The following RHPN1 variants were observed in gnomAD, a reference collection of about 807,000 sequenced individuals.
RHPN1 encodes the protein rhophilin-1.
A neutral mutation model predicts 74.7 loss-of-function variants in RHPN1; 77 were observed. The observed-to-expected ratio is 1.03, with a 90% CI of 0.86 to 1.25. RHPN1 has a LOEUF of 1.25. RHPN1 is among the 50% of genes most tolerant of loss of function. The probability of loss-of-function intolerance (pLI) is 0.00; values close to 1 mark genes in which losing one functional copy is unlikely to be tolerated. For synonymous variants in RHPN1, 444 were observed against 414.5 expected, an observed-to-expected ratio of 1.07 and a Z score of -0.87; for missense variants, 987 against 932.2, an observed-to-expected ratio of 1.06 and a Z score of -0.77.
intron 1 of RHPN1, among the ~76,000 whole-genome samples, chr8:143,371,900 A>G (rs958260355): frequency 6.6e-6 from 1 of 152,136 alleles, no homozygotes; most frequent in Non-Finnish European, 1.5e-5. Context: ...ACTGGGCTCA[A>G]CCTTCAACCC....
Position 143,383,118 on chromosome 8 carries a change from A to C in RHPN1, c.*467A>C. ...CCAGACACACCCACAGCACCCGCAG[A>C]CCTCTAGGCCGGGTCCCAGACATGG... On this transcript the variant is annotated 3_prime_UTR_variant, in exon 15 of 15. Coordinates refer to ENST00000289013, the MANE Select transcript of RHPN1 (RefSeq NM_052924.3). 1 of 195,750 alleles carries C rather than the reference A, an allele frequency of 5.1e-6. No individual in the cohort carries two copies. Among genetic ancestry groups the C allele is most frequent in the South Asian group, 9.2e-5 (1 of 10,852 alleles). The allele number at this position is 195,750 out of a possible 1,614,324, so 12.1% of individuals were successfully genotyped here. A position where few individuals can be genotyped will look rare whatever the true frequency, so the allele number is the denominator to read the frequency against.
At chr8:143,382,133 T>C (rs1818783745) in intron 14 of RHPN1, among the ~76,000 whole-genome samples, 165 bp downstream of exon 14, 1 of 152,190 alleles carries the variant, frequency 6.6e-6, no homozygotes, top group African/African-American at 2.4e-5. Flanking sequence ...GTGGCCTCCA[T>C]CTGGCAGCTC....
chr8:143,378,104 C>T (rs1818407334), intron 4 of RHPN1, among the ~76,000 whole-genome samples, 165 bp from the exon 5 acceptor site: 2 of 152,240 alleles, frequency 1.3e-5, no homozygotes, highest in East Asian at 3.8e-4. Flanking sequence ...TTCTCTGGGG[C>T]TTCCACTGAG....
Position 143,378,356 on chromosome 8 carries a change from T to TCCGC in RHPN1, c.459+12_459+13insGCCC. 6 of 1,525,436 alleles carry TCCGC rather than the reference T, an allele frequency of 3.9e-6. No individual in the cohort carries two copies. Among genetic ancestry groups the TCCGC allele is most frequent in the South Asian group, 3.6e-5 (3 of 83,564 alleles). The allele number at this position is 1,525,436 out of a possible 1,614,324, so 94.5% of individuals were successfully genotyped here. A position where few individuals can be genotyped will look rare whatever the true frequency, so the allele number is the denominator to read the frequency against. On this transcript the variant is annotated intron_variant, in intron 5 of 14. Transcript: ENST00000289013. ...GGAGGCCCTGCGGCAGGTGTGTGGT[T>TCCGC]CCCCCGCCCACCCACCCTCCTGCAG...
intron 3 of RHPN1, 111 bp downstream of exon 3, chr8:143,376,764 CTGTGTGTG>C: frequency 8.0e-7 from 1 of 1,256,858 alleles, no homozygotes; most frequent in Non-Finnish European, 1.1e-6. Context: ...TGTGCATTGT[CTGTGTGTG>C]TGCGTGTGTG....
At chr8:143,369,195 C>G (rs374873371) in intron 1 of RHPN1, 148 bp downstream of exon 1, 2 of 573,304 alleles carry the variant, frequency 3.5e-6, no homozygotes, top group African/African-American at 4.0e-5. Context: ...GCCTGCGTCC[C>G]TCCTCCTCTG....
At position 143,368,937 on chromosome 8, in the gene RHPN1, GAGCGGCGGGC is replaced by G. The variant is rs1817648521; in HGVS notation, c.-50_-41del. The G allele has an allele frequency of 5.0e-6, 7 of 1,392,698 alleles. No individual in the cohort carries two copies. Among genetic ancestry groups the G allele is most frequent in the African/African-American group, 1.5e-5 (1 of 65,518 alleles). The allele number at this position is 1,392,698 out of a possible 1,614,324, so 86.3% of individuals were successfully genotyped here. On this transcript the variant is annotated 5_prime_UTR_variant, in exon 1 of 15. Coordinates refer to ENST00000289013, the MANE Select transcript of RHPN1 (RefSeq NM_052924.3). Reference sequence around the variant, plus strand: ...CTAGCCCGGCTGCGGAGCGCTGCGCGAGCGGCGGGCTGGCTGACCCCGAGGGACCCCCAGC... The same window carrying G: ...CTAGCCCGGCTGCGGAGCGCTGCGCGTGGCTGACCCCGAGGGACCCCCAGC...
intron 8 of RHPN1, 23 bp from the exon 9 acceptor site, chr8:143,379,806 G>A (rs751194757): frequency 4.9e-5 from 78 of 1,595,712 alleles, no homozygotes; most frequent in Admixed American, 6.8e-5. Context: ...AGGCCCTCGC[G>A]TGCCTGCCAC....
At chr8:143,366,560 C>G (rs1274592586), upstream of RHPN1, 4 of 150,714 alleles carry the variant, frequency 2.7e-5, no homozygotes, top group African/African-American at 7.4e-5. Context: ...CACGCACACA[C>G]ACGCACACGC....
rs373820332 is a variant in RHPN1 at position 143,382,445 on chromosome 8, C to T, written c.1807C>T (p.Arg603Trp). 24 of 1,566,320 alleles carry T rather than the reference C, an allele frequency of 1.5e-5. No individual in the cohort carries two copies. Among genetic ancestry groups the T allele is most frequent in the South Asian group, 4.7e-5 (4 of 85,554 alleles). ...SSRLPSLGDR[R>W]PVLLGPRGLL... ...TCTGTCCCTGCTGCAGGGGGACCGC[C>T]GGCCCGTCCTGCTGGGCCCCAGGGG... Residue 603 changes from arginine to tryptophan, a missense_variant, in exon 15 of 15, where the codon CGG (arginine) becomes TGG (tryptophan). Transcript: ENST00000289013.
rs771030209 is a variant in RHPN1, at chr8:143,380,772, C to G, written c.1400C>G (p.Pro467Arg). The G allele has an allele frequency of 8.9e-6, 14 of 1,574,272 alleles. No homozygotes were observed. Among genetic ancestry groups the G allele is most frequent in the Non-Finnish European group, 1.2e-5 (14 of 1,158,144 alleles). ...GACTTCTGTGAGGCTGCCGAGGCCCCGGACATCCAGCGTGAGCAGCCAGGG... is the reference window on the plus strand; with the variant it reads ...GACTTCTGTGAGGCTGCCGAGGCCCGGGACATCCAGCGTGAGCAGCCAGGG... ...EDDFCEAAEA[P>R]DIQPKTHQKP... is the part of the protein sequence containing the mutation. Residue 467 changes from proline to arginine, a missense_variant, in exon 11 of 15, where the codon CCG becomes CGG. By Grantham distance (103) the Pro-to-Arg change is moderately radical (BLOSUM62 -2). Transcript: ENST00000289013.
In RHPN1 at chr8:143,382,492, G is replaced by A. The variant is rs1006713599; in HGVS notation, c.1854G>A (p.Glu618=). 2 of 1,604,358 alleles carry A rather than the reference G, an allele frequency of 1.2e-6. No homozygotes were observed. The highest frequency in any genetic ancestry group is 1.3e-5 in the African/African-American group (1 of 74,760). ...GGGGGCTTCTAAGGAGCCAGAGGGA[G>A]CATGGTTGCAAGACCCCGGCATCCA... ...GPRGLLRSQR[E]HGCKTPASTW... Residue 618 remains glutamate, a synonymous_variant, in exon 15 of 15, where the codon GAG becomes GAA. Transcript: ENST00000289013.
rs377125823 is a variant in RHPN1 at position 143,378,946 on chromosome 8, C to A, written c.619C>A (p.Arg207Ser). The change falls in exon 7 of 15, where the codon CGT becomes AGT. Residue 207 changes from arginine (R) to serine (S), a missense_variant. Physicochemically the swap from Arg to Ser is moderately radical, Grantham distance 110. Coordinates refer to ENST00000289013, the MANE Select transcript of RHPN1 (RefSeq NM_052924.3). Reference sequence around the variant, plus strand: ...GCTTACTGGGGTCCCGGCCCAGCAGCGTGCCCTGGCCTTCGAGAAGGGCAG... The same window carrying A: ...GCTTACTGGGGTCCCGGCCCAGCAGAGTGCCCTGGCCTTCGAGAAGGGCAG... ...DSLTGVPAQQ[R>S]ALAFEKGSVL... 6.3e-7 allele frequency: 1 copy of A among 1,578,648 alleles called. No individual in the cohort carries two copies. The highest frequency in any genetic ancestry group is 8.6e-7 in the Non-Finnish European group (1 of 1,163,198).
chr8:143,372,509 G>A (rs1283756069), intron 1 of RHPN1, among the ~76,000 whole-genome samples: 3 of 152,054 alleles, frequency 2.0e-5, no homozygotes, highest in East Asian at 1.9e-4. Flanking sequence ...GCTGGGTGGT[G>A]TCCACGGGGG....
intron 3 of RHPN1, among the ~76,000 whole-genome samples, chr8:143,377,162 ATG>A (rs1385882953): frequency 6.6e-6 from 1 of 150,942 alleles, no homozygotes; most frequent in Non-Finnish European, 1.5e-5. Flanking sequence ...GTGCGCGCGC[ATG>A]TGTGTGTCTC....
intron 3 of RHPN1, 131 bp downstream of exon 3, chr8:143,376,784 ATGTGTG>A: frequency 9.5e-7 from 1 of 1,048,634 alleles, no homozygotes; most frequent in Non-Finnish European, 1.4e-6. Flanking sequence ...GCGTGTGTGC[ATGTGTG>A]TGCATGCATG....
At position 143,380,628 on chromosome 8, in the gene RHPN1, A is replaced by G. The variant is rs543824569; in HGVS notation, c.1256A>G (p.Glu419Gly). 1 of 1,550,798 alleles carries G rather than the reference A, an allele frequency of 6.4e-7. No homozygotes were observed. Among genetic ancestry groups the G allele is most frequent in the African/African-American group, 1.4e-5 (1 of 73,420 alleles). Residue 419 changes from glutamate (E) to glycine (G), a missense_variant, in exon 11 of 15, where the codon GAG (glutamate) becomes GGG (glycine). Coordinates refer to ENST00000289013, the MANE Select transcript of RHPN1 (RefSeq NM_052924.3). ...HLKRAILGQE[E>G]ALRLHALCRV... ...AAGCGTGCCATCCTGGGGCAGGAGG[A>G]GGCGCTGCGGCTGCACGCCCTGTGC...
chr8:143,382,028 GGC>G, intron 14 of RHPN1, 60 bp downstream of exon 14: 1 of 1,464,106 alleles, frequency 6.8e-7, no homozygotes, highest in South Asian at 1.4e-5. Flanking sequence ...CCTGGCCCTG[GGC>G]CTGCCTTGGA....
chr8:143,368,059 C>T (rs1315836554), upstream of RHPN1: 4 of 153,394 alleles, frequency 2.6e-5, no homozygotes, highest in Non-Finnish European at 5.9e-5. Context: ...ATAGGTCAGT[C>T]CAGGAAACAA....
Sources: gnomAD v4.1 joint callset for allele counts (sites outside exome capture counted in the v4.1 genomes callset) on GRCh38, gnomAD v4.1.1 for gene constraint, MANE v1.5 for transcripts, NCBI Gene and HGNC (gene_info 2026-07-23, HGNC 2026-07-21) for gene names.